The following MLKL variants were observed in gnomAD, a reference collection of about 807,000 sequenced individuals.
The protein encoded by MLKL is mixed lineage kinase domain like pseudokinase.
MLKL carries 55 observed loss-of-function variants against 56.5 expected under a neutral mutation model. That is an observed-to-expected ratio of 0.97 (90% CI 0.78 to 1.22). The LOEUF (loss-of-function observed/expected upper bound fraction) is 1.22, where lower values mean the gene tolerates loss of function less well. Among genes scored for constraint, MLKL ranks in the 50% most tolerant of loss-of-function variants. The pLI is 0.00. For missense variants in MLKL, 694 were observed against 573.9 expected, an observed-to-expected ratio of 1.21 and a Z score of -2.14; for synonymous variants, 251 against 208.3, an observed-to-expected ratio of 1.20 and a Z score of -1.76.
chr16:74,698,912 G>A (rs1961214328), intron 1 of MLKL, among the ~76,000 whole-genome samples: 1 of 152,124 alleles, frequency 6.6e-6, no homozygotes, highest in African/African-American at 2.4e-5. Context: ...TCGGGAGTTT[G>A]AGATCGCCCG....
chr16:74,677,090 TCG>T (rs1215150508), intron 7 of MLKL: 1 of 152,260 alleles, frequency 6.6e-6, no homozygotes, highest in Non-Finnish European at 1.5e-5. Flanking sequence ...TCTCACTCTG[TCG>T]CCCAGGTTGG....
At chr16:74,696,282 G>T (rs1343105578) in intron 1 of MLKL, among the ~76,000 whole-genome samples, 1 of 152,156 alleles carries the variant, frequency 6.6e-6, no homozygotes, top group Non-Finnish European at 1.5e-5. Flanking sequence ...TTTTCAGGTT[G>T]ATATGTTTAT....
intron 2 of MLKL, among the ~76,000 whole-genome samples, chr16:74,694,581 A>G (rs889507944): frequency 6.6e-6 from 1 of 152,170 alleles, no homozygotes. Flanking sequence ...CCTGGGCAAC[A>G]TAGTGAGACT....
At chr16:74,674,839 G>A (rs1241521552) in intron 10 of MLKL, 121 bp downstream of exon 10, 1 of 1,207,710 alleles carries the variant, frequency 8.3e-7, no homozygotes, top group East Asian at 2.4e-5. Context: ...ATCACTAAAT[G>A]TTCCCCGGAT....
chr16:74,682,095 TA>T (rs147781114), intron 6 of MLKL, among the ~76,000 whole-genome samples: 13 of 146,890 alleles, frequency 8.9e-5, no homozygotes, highest in African/African-American at 2.3e-4. Flanking sequence ...AAAATATATA[TA>T]AAAAAAAAAC....
At position 74,691,459 on chromosome 16, in the gene MLKL, T is replaced by C; in HGVS notation, c.540A>G (p.Leu180=). 1 of 1,612,848 alleles carries C rather than the reference T, an allele frequency of 6.2e-7. No individual in the cohort carries two copies. Among genetic ancestry groups the C allele is most frequent in the Non-Finnish European group, 8.5e-7 (1 of 1,179,712 alleles). ...GGATCTCCTGCATGCATTTTGGTGG[T>C]AAATCTGACCTCACCCCCGAGAGGA... The part of the protein sequence containing the change: ...KEIKETLRQY[L]PPKCMQEIPQ... The change falls in exon 4 of 11, where the codon TTA becomes TTG. Residue 180 remains leucine, a synonymous_variant. Coordinates refer to ENST00000308807, the MANE Select transcript of MLKL (RefSeq NM_152649.4).
At position 74,672,315 on chromosome 16, in the gene MLKL, T is replaced by A; in HGVS notation, c.*189A>T. 1.9e-6 allele frequency: 1 copy of A among 535,464 alleles called. No individual in the cohort carries two copies. The highest frequency in any genetic ancestry group is 3.4e-6 in the Non-Finnish European group (1 of 295,794). The allele number at this position is 535,464 out of a possible 1,614,324, so 33.2% of individuals were successfully genotyped here. ...CAAAGTTACTGTCAGAGGTATGTTT[T>A]TGGAAATATCATTTGGAGTGGGATG... is the stretch of plus-strand genomic sequence containing the variant. On this transcript the variant is annotated 3_prime_UTR_variant, in exon 11 of 11. Transcript: ENST00000308807.
chr16:74,687,812 G>T (rs1018909778), intron 4 of MLKL, among the ~76,000 whole-genome samples: 1 of 151,908 alleles, frequency 6.6e-6, no homozygotes, highest in African/African-American at 2.4e-5. Flanking sequence ...GGGACTACAG[G>T]TGCCTGCCAC....
chr16:74,681,814 G>C (rs1023746188), intron 6 of MLKL, among the ~76,000 whole-genome samples: 1 of 151,098 alleles, frequency 6.6e-6, no homozygotes, highest in Admixed American at 6.6e-5. Flanking sequence ...AAAAAGAAAA[G>C]AAAAAAACAC....
intron 7 of MLKL, chr16:74,677,710 T>A (rs141395421): frequency 6.6e-6 from 1 of 152,308 alleles, no homozygotes; most frequent in Admixed American, 6.5e-5. Context: ...GGAGTTTTGC[T>A]GTTGTTGCCC....
intron 6 of MLKL, 69 bp from the exon 7 acceptor site, chr16:74,679,049 A>G: frequency 4.7e-6 from 6 of 1,281,324 alleles, no homozygotes; most frequent in Non-Finnish European, 6.8e-6. Context: ...TGACAATCAT[A>G]ACTGGGCTGA....
At chr16:74,694,001 T>G (rs750360436) in intron 2 of MLKL, among the ~76,000 whole-genome samples, 1 of 152,148 alleles carries the variant, frequency 6.6e-6, no homozygotes, top group Non-Finnish European at 1.5e-5. Context: ...GTGCTGCTAG[T>G]ATGATCATAA....
chr16:74,678,360 C>G (rs780129674), intron 7 of MLKL: 2 of 156,186 alleles, frequency 1.3e-5, no homozygotes, highest in African/African-American at 4.8e-5. Flanking sequence ...GTAGCCCATC[C>G]CTGCTAAATG....
rs763125735 is a variant in MLKL, at chr16:74,672,482, C to A, written c.*22G>T. ...TCTCCCAGCTTCTTGTCCAGAGACT[C>A]CTTGGTTTAGATTTTGATACACTAC... On this transcript the variant is annotated 3_prime_UTR_variant, in exon 11 of 11. Coordinates refer to ENST00000308807, the MANE Select transcript of MLKL (RefSeq NM_152649.4). The A allele has an allele frequency of 3.7e-6, 6 of 1,610,006 alleles. No homozygotes were observed. Among genetic ancestry groups the A allele is most frequent in the Middle Eastern group, 1.7e-4 (1 of 6,052 alleles).
At chr16:74,696,152 A>G (rs898873304) in intron 1 of MLKL, among the ~76,000 whole-genome samples, 5 of 152,310 alleles carry the variant, frequency 3.3e-5, no homozygotes, top group East Asian at 3.9e-4. Flanking sequence ...TGGAGCCCCA[A>G]GAAGAGTCCT....
chr16:74,693,016 T>C (rs1335034209), intron 2 of MLKL, among the ~76,000 whole-genome samples: 1 of 152,170 alleles, frequency 6.6e-6, no homozygotes, highest in Admixed American at 6.5e-5. Context: ...AAGTCTCTTA[T>C]GGGAAAAGTA....
intron 7 of MLKL, chr16:74,676,609 G>T (rs909196033): frequency 1.2e-5 from 4 of 344,056 alleles, no homozygotes; most frequent in East Asian, 3.3e-4. Flanking sequence ...TGAAGAGCGT[G>T]AGAGTAGTAG....
intron 4 of MLKL, among the ~76,000 whole-genome samples, chr16:74,691,053 G>A (rs1363863624): frequency 6.8e-6 from 1 of 146,122 alleles, no homozygotes; most frequent in African/African-American, 2.5e-5. Context: ...AGGGAAAGTT[G>A]TTTTTTTTTT....
chr16:74,695,187 C>T (rs1262093236), intron 2 of MLKL, 111 bp downstream of exon 2: 8 of 1,181,548 alleles, frequency 6.8e-6, no homozygotes, highest in Non-Finnish European at 9.5e-6. Context: ...TTTTGAGGTA[C>T]AAGTATATTA....
Sources: gnomAD v4.1 joint callset for allele counts (sites outside exome capture counted in the v4.1 genomes callset) on GRCh38, gnomAD v4.1.1 for gene constraint, MANE v1.5 for transcripts, NCBI Gene and HGNC (gene_info 2026-07-23, HGNC 2026-07-21) for gene names.